Variants in MEIG1 observed in about 807,000 individuals in gnomAD.
MEIG1 encodes the protein meiosis/spermiogenesis associated 1, also known as meiosis expressed gene 1 protein homolog.
Under a neutral mutation model 11.3 loss-of-function variants are expected in MEIG1, and 12 were observed. That is an observed-to-expected ratio of 1.07 (90% CI 0.68 to 1.73). MEIG1 has a LOEUF of 1.73. Ranked by LOEUF, MEIG1 falls within the 40% of genes most tolerant of loss-of-function variation. The pLI, the probability that MEIG1 is intolerant of heterozygous loss-of-function variation, is 0.00. For synonymous variants in MEIG1, 41 were observed against 33.2 expected, an observed-to-expected ratio of 1.24 and a Z score of -0.81; for missense variants, 119 against 104.9, an observed-to-expected ratio of 1.13 and a Z score of -0.59.
chr10:14,977,956 C>T (rs1163195104), intron 1 of MEIG1, among the ~76,000 whole-genome samples: 4 of 151,836 alleles, frequency 2.6e-5, no homozygotes, highest in Non-Finnish European at 4.4e-5. Flanking sequence ...TGACATTATT[C>T]GTAATATCCT....
At chr10:14,977,766 G>C (rs542823267), downstream of MEIG1, among the ~76,000 whole-genome samples, 5 of 151,910 alleles carry the variant, frequency 3.3e-5, no homozygotes, top group Non-Finnish European at 7.4e-5. Flanking sequence ...TAATATCATA[G>C]GGAGATATTC....
chr10:14,954,341 G>C, the MEIG1 span: 3 of 428,596 alleles, frequency 7.0e-6, no homozygotes, highest in Non-Finnish European at 8.7e-6. Flanking sequence ...GTGCAGTCGC[G>C]GGAAGGGAAA....
At chr10:14,986,769 C>T in intron 1 of MEIG1, 1 of 336,376 alleles carries the variant, frequency 3.0e-6, no homozygotes, top group Non-Finnish European at 5.8e-6. Context: ...GTCACCAAGC[C>T]TGACTAATAG....
At chr10:14,970,610 T>A (rs1843137516) in intron 2 of MEIG1, 1 of 152,216 alleles carries the variant, frequency 6.6e-6, no homozygotes, top group African/African-American at 2.4e-5. Flanking sequence ...TTTTCTGTAA[T>A]GTATGTCAGA....
At chr10:14,987,253 G>T (rs973891393) in intron 2 of MEIG1, 72 of 889,044 alleles carry the variant, frequency 8.1e-5, no homozygotes, top group Non-Finnish European at 1.1e-4. Context: ...AGAGGAAGAA[G>T]TACATGGGGG....
chr10:14,967,885 A>T (rs1843105187), intron 2 of MEIG1, among the ~76,000 whole-genome samples: 1 of 152,108 alleles, frequency 6.6e-6, no homozygotes, highest in African/African-American at 2.4e-5. Context: ...AACTTTTTTC[A>T]AATCGTTGCA....
At chr10:14,976,152 G>C (rs1260614172), downstream of MEIG1, among the ~76,000 whole-genome samples, 1 of 150,790 alleles carries the variant, frequency 6.6e-6, no homozygotes, top group Non-Finnish European at 1.5e-5. Flanking sequence ...ATTACTCCCC[G>C]ATTTTTCCTA....
upstream of MEIG1, among the ~76,000 whole-genome samples, chr10:14,956,583 G>A (rs534397264): frequency 6.6e-6 from 1 of 152,142 alleles, no homozygotes; most frequent in South Asian, 2.1e-4. Context: ...ACTCCATCTC[G>A]AAAGCAAAAC....
intron 2 of MEIG1, among the ~76,000 whole-genome samples, chr10:14,970,820 G>A (rs1478006434): frequency 6.6e-6 from 1 of 152,170 alleles, no homozygotes; most frequent in African/African-American, 2.4e-5. Flanking sequence ...CTGTATAGAA[G>A]GTGTTGAAGA....
intron 1 of MEIG1, among the ~76,000 whole-genome samples, chr10:14,984,388 C>A (rs539033838): frequency 6.6e-6 from 1 of 152,062 alleles, no homozygotes; most frequent in East Asian, 1.9e-4. Flanking sequence ...ATACACCCTG[C>A]GATATTATTC....
chr10:14,985,807 C>G (rs1270921794), intron 1 of MEIG1, among the ~76,000 whole-genome samples: 1 of 151,984 alleles, frequency 6.6e-6, no homozygotes, highest in Admixed American at 6.6e-5. Flanking sequence ...GATATTAATT[C>G]AAATATCACA....
chr10:14,955,745 G>A (rs1842931879), upstream of MEIG1, among the ~76,000 whole-genome samples: 1 of 152,198 alleles, frequency 6.6e-6, no homozygotes, highest in Non-Finnish European at 1.5e-5. Context: ...ATGTCAGCTT[G>A]TGCCTGTAGC....
chr10:14,981,194 G>A (rs1041942191), intron 1 of MEIG1, among the ~76,000 whole-genome samples: 8 of 148,968 alleles, frequency 5.4e-5, no homozygotes, highest in African/African-American at 1.0e-4. Context: ...TCTTCCGCCC[G>A]TACTCTTGGC....
At chr10:14,959,832 G>T (rs1842991387) in intron 1 of MEIG1, among the ~76,000 whole-genome samples, 1 of 152,260 alleles carries the variant, frequency 6.6e-6, no homozygotes, top group African/African-American at 2.4e-5. Context: ...CCGCGTCTCC[G>T]AGGGCTCCGA....
At chr10:14,955,697 C>CA (rs1207783445), upstream of MEIG1, among the ~76,000 whole-genome samples, 2 of 151,976 alleles carry the variant, frequency 1.3e-5, no homozygotes, top group Admixed American at 1.3e-4. Context: ...GACTCTGTCT[C>CA]AAAAAAACAA....
intron 1 of MEIG1, among the ~76,000 whole-genome samples, chr10:14,984,954 A>T (rs1426000467): frequency 6.6e-6 from 1 of 152,146 alleles, no homozygotes. Flanking sequence ...AGACCCTGTC[A>T]TGAAATTCCT....
At chr10:14,981,483 G>C (rs7898588) in intron 1 of MEIG1, among the ~76,000 whole-genome samples, 10 of 151,900 alleles carry the variant, frequency 6.6e-5, no homozygotes, top group African/African-American at 2.4e-4. Context: ...CTTGCTTTGC[G>C]GAAACCCCCG....
intron 1 of MEIG1, among the ~76,000 whole-genome samples, chr10:14,982,102 G>A (rs551288797): frequency 7.2e-5 from 11 of 152,278 alleles, no homozygotes. Flanking sequence ...GATTTTCAGG[G>A]TTATCGGGAT....
chr10:14,977,653 T>TGGGTATACCCCATGTGGGTAGA (rs1564508523), downstream of MEIG1, among the ~76,000 whole-genome samples: 1 of 151,614 alleles, frequency 6.6e-6, no homozygotes, highest in African/African-American at 2.4e-5. Flanking sequence ...AATATCACAG[T>TGGGTATACCCCATGTGGGTAGA]GGGTGTACCC....
Sources: gnomAD v4.1 joint callset for allele counts (sites outside exome capture counted in the v4.1 genomes callset) on GRCh38, gnomAD v4.1.1 for gene constraint, MANE v1.5 for transcripts, NCBI Gene and HGNC (gene_info 2026-07-23, HGNC 2026-07-21) for gene names.